Variants in ITPR1 observed in about 807,000 individuals in gnomAD.
ITPR1 encodes inositol 1,4,5-trisphosphate receptor type 1.
Under a neutral mutation model 318.4 loss-of-function variants are expected in ITPR1, and 96 were observed. The ratio of observed to expected loss-of-function variants is 0.30; its 90% CI spans 0.26 to 0.36. The LOEUF is 0.36. Ranked by LOEUF, ITPR1 falls within the 10% of genes least tolerant of loss-of-function variation. ITPR1 has a pLI of 1.00. For synonymous variants in ITPR1, 1,312 were observed against 1,289.9 expected (o/e 1.02, Z -0.37); for missense variants, 2,440 against 3,460.2 (o/e 0.71, Z 7.40).
intron 40 of ITPR1, among the ~76,000 whole-genome samples, chr3:4,724,791 C>T (rs538185002): frequency 1.3e-5 from 2 of 152,268 alleles, no homozygotes; most frequent in Admixed American, 1.3e-4. Context: ...CCTTTCGAGG[C>T]ATCCTTTTGT....
intron 53 of ITPR1, 113 bp downstream of exon 53, chr3:4,795,300 C>T (rs1471668320): frequency 2.2e-6 from 2 of 894,078 alleles, no homozygotes; most frequent in South Asian, 2.9e-5. Flanking sequence ...TCCCAGTTAT[C>T]CACATTCAGA....
At position 4,613,423 on chromosome 3, in the gene ITPR1, G is replaced by T. The variant is rs140605884; in HGVS notation, c.164-14340G>T. 1.1e-4 allele frequency among the ~76,000 whole-genome samples: 16 copies of T among 152,268 alleles called. 1 individual carries two copies. In the East Asian group the frequency reaches 2.7e-3, roughly 26 times the overall value. On this transcript the variant is annotated intron_variant, in intron 4 of 61. Transcript: ENST00000649015. Reference sequence around the variant, plus strand: ...TTTCCCTTTAGCTTAGTGATTTGGGGGTCCCAAGATTTATTTTTCTTTCAC... The same window carrying T: ...TTTCCCTTTAGCTTAGTGATTTGGGTGTCCCAAGATTTATTTTTCTTTCAC...
chr3:4,790,102 G>A (rs1437219213), intron 52 of ITPR1, among the ~76,000 whole-genome samples: 1 of 152,148 alleles, frequency 6.6e-6, no homozygotes, highest in East Asian at 1.9e-4. Context: ...GGCTTATTTT[G>A]GAGATGACAA....
chr3:4,548,463 T>A (rs1233224920), intron 4 of ITPR1, among the ~76,000 whole-genome samples: 4 of 152,192 alleles, frequency 2.6e-5, no homozygotes, highest in African/African-American at 9.7e-5. Context: ...TGACTTTAAT[T>A]TGGTCTATTT....
intron 4 of ITPR1, among the ~76,000 whole-genome samples, chr3:4,554,261 C>T (rs2085887493): frequency 6.6e-6 from 1 of 152,116 alleles, no homozygotes; most frequent in Non-Finnish European, 1.5e-5. Context: ...CCCACTGATA[C>T]CTGTGAGCTT....
At chr3:4,617,986 C>G (rs1267199078) in intron 4 of ITPR1, among the ~76,000 whole-genome samples, 2 of 102,280 alleles carry the variant, frequency 2.0e-5, no homozygotes, top group African/African-American at 4.4e-5. Flanking sequence ...CCGTGCGTAT[C>G]TCAAAAAAAA....
At chr3:4,546,670 T>A (rs1478355809) in intron 4 of ITPR1, among the ~76,000 whole-genome samples, 1 of 152,136 alleles carries the variant, frequency 6.6e-6, no homozygotes, top group East Asian at 1.9e-4. Context: ...TGTGAATCTG[T>A]CTTAAGGATA....
chr3:4,760,976 A>G (rs1260008318), intron 44 of ITPR1, among the ~76,000 whole-genome samples: 1 of 152,240 alleles, frequency 6.6e-6, no homozygotes, highest in Non-Finnish European at 1.5e-5. Context: ...GAACTAGAAC[A>G]TGGACATGTC....
At chr3:4,837,065 G>A in intron 61 of ITPR1, 130 bp downstream of exon 61, 1 of 731,352 alleles carries the variant, frequency 1.4e-6, no homozygotes. Context: ...CAGGCAACAG[G>A]GGACAAACCC....
chr3:4,671,010 T>A (rs1333455913), intron 20 of ITPR1, 84 bp downstream of exon 20: 1 of 1,016,198 alleles, frequency 9.8e-7, no homozygotes. Flanking sequence ...GTTGATTACT[T>A]CAAGGAATCA....
chr3:4,750,541 G>A (rs1373764451), intron 44 of ITPR1: 1 of 152,112 alleles, frequency 6.6e-6, no homozygotes, highest in African/African-American at 2.4e-5. Flanking sequence ...GATTTAATGA[G>A]CTCTCTGGGT....
intron 15 of ITPR1, 101 bp from the exon 16 acceptor site, chr3:4,662,964 C>T: frequency 1.0e-6 from 1 of 967,792 alleles, no homozygotes; most frequent in South Asian, 1.7e-5. Context: ...TGGGTCTGCC[C>T]CTGTTTAACT....
chr3:4,690,266 C>T (rs1032869241), intron 31 of ITPR1, among the ~76,000 whole-genome samples: 6 of 152,152 alleles, frequency 3.9e-5, no homozygotes, highest in African/African-American at 1.4e-4. Context: ...CAAAGCAAGA[C>T]TGTATCTCAA....
At chr3:4,667,209 G>T (rs547518218) in intron 17 of ITPR1, among the ~76,000 whole-genome samples, 168 bp from the exon 18 acceptor site, 1 of 152,206 alleles carries the variant, frequency 6.6e-6, no homozygotes, top group Non-Finnish European at 1.5e-5. Context: ...GAAGGAGTTT[G>T]CAGCTGTTGC....
chr3:4,746,870 C>T (rs181337047), intron 44 of ITPR1, among the ~76,000 whole-genome samples: 3 of 152,332 alleles, frequency 2.0e-5, no homozygotes, highest in East Asian at 3.9e-4. Context: ...CCCACTAACT[C>T]GCCCAAGGGT....
In ITPR1 at chr3:4,846,232, G is replaced by A; in HGVS notation, c.*7G>A. On this transcript the variant is annotated 3_prime_UTR_variant, in exon 62 of 62. Coordinates refer to ENST00000649015, the MANE Select transcript of ITPR1 (RefSeq NM_001378452.1). ...CCCACAACAACCAGCATAAGCAAAT[G>A]AAAGAAAGGAATTGTATTTACCTTT... The A allele has an allele frequency of 1.3e-6, 2 of 1,528,840 alleles. No homozygotes were observed. The highest frequency in any genetic ancestry group is 1.8e-6 in the Non-Finnish European group (2 of 1,124,822). 94.7% of individuals were successfully genotyped at this position (1,528,840 alleles called of 1,614,324 possible). A position where few individuals can be genotyped will look rare whatever the true frequency, so the allele number is the denominator to read the frequency against.
chr3:4,590,619 G>A (rs1418672229), intron 4 of ITPR1, among the ~76,000 whole-genome samples: 1 of 151,404 alleles, frequency 6.6e-6, no homozygotes, highest in South Asian at 2.1e-4. Flanking sequence ...TCACTGTGTT[G>A]CCCAGGCTGA....
At chr3:4,831,242 G>A (rs1398218462) in intron 60 of ITPR1, 8 of 290,752 alleles carry the variant, frequency 2.8e-5, no homozygotes, top group East Asian at 8.1e-5. Flanking sequence ...TAAAACTTCA[G>A]TGTTTGCCTT....
chr3:4,624,670 CAAAAAA>C lies in ITPR1; in HGVS notation c.164-3075_164-3070del, dbSNP rs1161664837. Among the ~76,000 whole-genome samples the C allele has an allele frequency of 3.7e-3, 271 of 72,470 alleles. 1 individual carries two copies. Among genetic ancestry groups the C allele is most frequent in the African/African-American group, 0.011 (253 of 23,256 alleles). The allele number at this position is 72,470 out of a possible 152,430, so 47.5% of individuals were successfully genotyped here. A position where few individuals can be genotyped will look rare whatever the true frequency, so the allele number is the denominator to read the frequency against. On this transcript the variant is annotated intron_variant, in intron 4 of 61. Coordinates refer to ENST00000649015, the MANE Select transcript of ITPR1 (RefSeq NM_001378452.1). Reference sequence around the variant, plus strand: ...GGGCAACAGAGCCAGGCTCTGTCTCCAAAAAAAAAAAAAAAAAAAAAAAGATTAAAC... The same window carrying C: ...GGGCAACAGAGCCAGGCTCTGTCTCCAAAAAAAAAAAAAAAAAGATTAAAC...
Sources: allele counts gnomAD v4.1 joint callset (sites outside exome capture counted in the v4.1 genomes callset), GRCh38; gene constraint gnomAD v4.1.1; transcripts MANE v1.5; gene names NCBI Gene and HGNC (gene_info 2026-07-23, HGNC 2026-07-21).